The following AGO2 variants were observed in gnomAD, a reference collection of about 807,000 sequenced individuals.
AGO2 encodes argonaute RISC catalytic component 2.
A neutral mutation model predicts 102.3 loss-of-function variants in AGO2; 5 were observed. The observed-to-expected ratio is 0.05, with a 90% CI of 0.03 to 0.10. The LOEUF is 0.10. Ranked by LOEUF, AGO2 falls within the 10% of genes least tolerant of loss-of-function variation. AGO2 has a pLI of 1.00. For missense variants in AGO2, 541 were observed against 1,183.7 expected (o/e 0.46, Z 7.97); for synonymous variants, 449 against 473.1 (o/e 0.95, Z 0.66).
chr8:140,595,662 ATAT>A (rs2073817028), intron 1 of AGO2, among the ~76,000 whole-genome samples: 1 of 135,038 alleles, frequency 7.4e-6, no homozygotes, highest in African/African-American at 2.7e-5. Context: ...CAGGCTATAT[ATAT>A]TATATATATA....
rs1307545462 is a variant in AGO2 at position 140,557,378 on chromosome 8, T to C, written c.879-142A>G. Reference sequence around the variant, plus strand: ...TTCCGGGAGTGAAAACCATGTCATGTGCTTTGGGTTATCTGGAATGTTTCT... The same window carrying C: ...TTCCGGGAGTGAAAACCATGTCATGCGCTTTGGGTTATCTGGAATGTTTCT... On this transcript the variant is annotated intron_variant, in intron 7 of 18. Coordinates refer to ENST00000220592, the MANE Select transcript of AGO2 (RefSeq NM_012154.5). This position sits in a 1 kb window ranked among gnomAD's most constrained non-coding sequence, Gnocchi z 5.9. 3.7e-6 allele frequency: 4 copies of C among 1,078,244 alleles called. No individual in the cohort carries two copies. The highest frequency in any genetic ancestry group is 5.2e-6 in the Non-Finnish European group (4 of 772,488). 66.8% of individuals were successfully genotyped at this position (1,078,244 alleles called of 1,614,324 possible). A position where few individuals can be genotyped will look rare whatever the true frequency, so the allele number is the denominator to read the frequency against.
chr8:140,575,603 G>A (rs959381063), intron 2 of AGO2, among the ~76,000 whole-genome samples: 4 of 152,122 alleles, frequency 2.6e-5, no homozygotes, highest in Non-Finnish European at 5.9e-5. Context: ...GAGTAAGATG[G>A]CACACACCCT....
At chr8:140,640,880 A>G in the AGO2 span, among the ~76,000 whole-genome samples, 8 of 152,172 alleles carry the variant, frequency 5.3e-5, no homozygotes, top group Non-Finnish European at 1.2e-4. Context: ...TGCTGCCACA[A>G]ATTGTTTAAG....
At chr8:140,558,432 G>A (rs766975753) in intron 7 of AGO2, 53 bp downstream of exon 7, 17 of 1,562,328 alleles carry the variant, frequency 1.1e-5, no homozygotes, top group Admixed American at 3.3e-5. Context: ...TGTGCCCGTC[G>A]GAGTGACAGT....
chr8:140,619,478 C>G (rs1450522393), intron 1 of AGO2, among the ~76,000 whole-genome samples: 1 of 152,196 alleles, frequency 6.6e-6, no homozygotes, highest in Non-Finnish European at 1.5e-5. Context: ...GAGAAGGGAG[C>G]AGGGAAAACA....
At chr8:140,597,976 T>C (rs2073873266) in intron 1 of AGO2, among the ~76,000 whole-genome samples, 1 of 152,358 alleles carries the variant, frequency 6.6e-6, no homozygotes, top group South Asian at 2.1e-4. Context: ...TGCCAGCAGA[T>C]GCTTGGCGGG....
intron 16 of AGO2, among the ~76,000 whole-genome samples, chr8:140,537,377 T>C (rs190660418): frequency 1.3e-5 from 2 of 152,046 alleles, no homozygotes; most frequent in African/African-American, 2.4e-5. Flanking sequence ...TCACAGCTCA[T>C]TGCAGCCTCA....
At chr8:140,580,181 C>T (rs2073534051) in intron 2 of AGO2, among the ~76,000 whole-genome samples, 1 of 152,244 alleles carries the variant, frequency 6.6e-6, no homozygotes, top group Admixed American at 6.5e-5. Context: ...ACGGGACGCT[C>T]CTGGGAGGAA....
In AGO2 at chr8:140,540,132, A is replaced by T. The variant is rs1367445187; in HGVS notation, c.2035-678T>A. The stretch of plus-strand genomic sequence containing the variant: ...CAAAACAAAAAACACACAAAAAACA[A>T]AGCAGCTCAGGCAGGCTCCAGCCAG... On this transcript the variant is annotated intron_variant, in intron 15 of 18. Transcript: ENST00000220592. This position sits in a 1 kb window ranked among gnomAD's most constrained non-coding sequence, Gnocchi z 5.0. 6.6e-6 allele frequency among the ~76,000 whole-genome samples: 1 copy of T among 152,068 alleles called. No homozygotes were observed. The highest frequency in any genetic ancestry group is 1.5e-5 in the Non-Finnish European group (1 of 67,984).
chr8:140,588,101 G>A (rs1486282173), intron 1 of AGO2, among the ~76,000 whole-genome samples: 1 of 152,274 alleles, frequency 6.6e-6, no homozygotes, highest in East Asian at 1.9e-4. Flanking sequence ...GACACCCCAT[G>A]GGCACCTCCT....
chr8:140,626,754 T>C (rs924610143), intron 1 of AGO2: 3 of 152,358 alleles, frequency 2.0e-5, no homozygotes, highest in African/African-American at 4.8e-5. Context: ...CACACAGATT[T>C]GTTCCAAGTC....
intron 1 of AGO2, among the ~76,000 whole-genome samples, chr8:140,588,920 T>G (rs899086243): frequency 1.3e-5 from 2 of 152,252 alleles, no homozygotes; most frequent in East Asian, 1.9e-4. Flanking sequence ...CACATTTGTT[T>G]AAGATTCCAT....
upstream of AGO2, among the ~76,000 whole-genome samples, chr8:140,635,947 C>G (rs949467891): frequency 1.9e-4 from 28 of 149,968 alleles, no homozygotes; most frequent in Non-Finnish European, 4.0e-4. Flanking sequence ...GGCGCGGCCC[C>G]GGGGACCCTT....
intron 1 of AGO2, among the ~76,000 whole-genome samples, chr8:140,634,974 C>T (rs1174079935): frequency 2.6e-5 from 4 of 151,842 alleles, no homozygotes; most frequent in Non-Finnish European, 5.9e-5. Flanking sequence ...CCCCTCCCCT[C>T]CCGCCCGTGC....
At chr8:140,585,699 A>C (rs2073645600) in intron 1 of AGO2, among the ~76,000 whole-genome samples, 1 of 152,224 alleles carries the variant, frequency 6.6e-6, no homozygotes, top group Non-Finnish European at 1.5e-5. Flanking sequence ...AAGCGGCAGA[A>C]ACTTCATCCC....
chr8:140,576,634 G>A lies in AGO2; in HGVS notation c.216-3702C>T, dbSNP rs73362339. On this transcript the variant is annotated intron_variant, in intron 2 of 18. Transcript: ENST00000220592. ...AACAATACCAAGAGCTGGTGAAGGC[G>A]GAGGGAAATGCTCTCTTCTACGAGG... 2.9e-3 allele frequency among the ~76,000 whole-genome samples: 441 copies of A among 152,306 alleles called. 5 individuals are homozygous for A. Among genetic ancestry groups the A allele is most frequent in the Middle Eastern group, 0.024 (7 of 294 alleles).
rs187002716 is a variant in AGO2 at position 140,631,272 on chromosome 8, T to C, written c.22+4213A>G. ...TTTAAAAGACGTAGGCCGGGCGTGG[T>C]GGCTCACGCCTATAATCCCAGCACT... On this transcript the variant is annotated intron_variant, in intron 1 of 18. Transcript: ENST00000220592. 2.8e-3 allele frequency among the ~76,000 whole-genome samples: 419 copies of C among 152,274 alleles called. 10 individuals are homozygous for C. Among genetic ancestry groups the C allele is most frequent in the Admixed American group, 0.024 (360 of 15,302 alleles).
intron 3 of AGO2, among the ~76,000 whole-genome samples, chr8:140,569,907 G>A (rs1366942658): frequency 2.0e-5 from 3 of 152,216 alleles, no homozygotes; most frequent in East Asian, 1.9e-4. Flanking sequence ...GACCAGAGCC[G>A]CCAGAGTCCC....
intron 2 of AGO2, 38 bp downstream of exon 2, chr8:140,585,081 G>A: frequency 6.3e-7 from 1 of 1,585,682 alleles, no homozygotes; most frequent in Non-Finnish European, 8.6e-7. Flanking sequence ...TGTCCGCGCA[G>A]ACCACTTACA....
Sources: gnomAD v4.1 joint callset for allele counts (sites outside exome capture counted in the v4.1 genomes callset) on GRCh38, gnomAD v4.1.1 for gene constraint, Gnocchi (gnomAD v3.1) non-coding constraint, MANE v1.5 for transcripts, NCBI Gene and HGNC (gene_info 2026-07-23, HGNC 2026-07-21) for gene names.